Variants in CSMD3 observed in about 807,000 individuals in gnomAD.
The protein encoded by CSMD3 is CUB and Sushi multiple domains 3.
A neutral mutation model predicts 435.2 loss-of-function variants in CSMD3; 177 were observed. The observed-to-expected ratio is 0.41, with a 90% CI of 0.36 to 0.46. The LOEUF (loss-of-function observed/expected upper bound fraction) is 0.46. Ranked by LOEUF, CSMD3 falls within the 20% of genes least tolerant of loss-of-function variation. The pLI, the probability that CSMD3 is intolerant of heterozygous loss-of-function variation, is 0.34. For synonymous variants in CSMD3, 1,656 were observed against 1,520.5 expected (o/e 1.09, Z -2.07); for missense variants, 4,265 against 4,504.6 (o/e 0.95, Z 1.52).
In CSMD3 at chr8:112,223,077, A is replaced by G. The variant is rs1812293946; in HGVS notation, c.*1694T>C. On this transcript the variant is annotated 3_prime_UTR_variant, in exon 71 of 71. Transcript: ENST00000297405. ...AGGAGTAGCCAGTTGCAGAAGAAAC[A>G]TTGTTTAAACAAGATCTTAAATGTA... 3 of 398,482 alleles carry G rather than the reference A, an allele frequency of 7.5e-6. No individual in the cohort carries two copies. The highest frequency in any genetic ancestry group is 1.3e-5 in the Non-Finnish European group (3 of 225,792). The allele number at this position is 398,482 out of a possible 1,614,324, so 24.7% of individuals were successfully genotyped here. A position where few individuals can be genotyped will look rare whatever the true frequency, so the allele number is the denominator to read the frequency against.
At chr8:112,311,724 A>C (rs1179144458) in intron 49 of CSMD3, among the ~76,000 whole-genome samples, 1 of 152,214 alleles carries the variant, frequency 6.6e-6, no homozygotes, top group Admixed American at 6.5e-5. Flanking sequence ...ATTGCCAATA[A>C]AATAAAAAAG....
chr8:112,857,536 T>C lies in CSMD3; in HGVS notation c.1755+1609A>G, dbSNP rs2080695960. 5.9e-5 allele frequency among the ~76,000 whole-genome samples: 9 copies of C among 151,802 alleles called. No homozygotes were observed. The South Asian group carries it at 1.9e-3, about 31-fold the overall frequency. On this transcript the variant is annotated intron_variant, in intron 11 of 70. Transcript: ENST00000297405. ...AGATTAATTAAATGTGTTTATTCCA[T>C]ACTTTATAATGAATTTGCTTCATGT... is the stretch of plus-strand genomic sequence containing the variant.
At chr8:113,127,201 G>C (rs1478784129) in intron 4 of CSMD3, among the ~76,000 whole-genome samples, 2 of 151,970 alleles carry the variant, frequency 1.3e-5, no homozygotes, top group Admixed American at 1.3e-4. Context: ...TTGTTGAAAG[G>C]AGATTGCGAA....
At chr8:112,651,559 A>G (rs1161326242) in intron 18 of CSMD3, among the ~76,000 whole-genome samples, 2 of 135,302 alleles carry the variant, frequency 1.5e-5, no homozygotes, top group African/African-American at 5.9e-5. Flanking sequence ...TTTTTTTTTG[A>G]CGGAGTCTCG....
At chr8:113,428,204 A>ATCTC in intron 1 of CSMD3, among the ~76,000 whole-genome samples, 1 of 146,234 alleles carries the variant, frequency 6.8e-6, no homozygotes, top group Middle Eastern at 3.7e-3. Flanking sequence ...CAACTGTGGG[A>ATCTC]TATCTATCTA....
At chr8:113,341,967 TG>T (rs1286643028) in intron 1 of CSMD3, among the ~76,000 whole-genome samples, 5 of 152,110 alleles carry the variant, frequency 3.3e-5, no homozygotes, top group Admixed American at 3.3e-4. Flanking sequence ...CTCTTTGTAT[TG>T]ATTTGTCCAT....
At position 113,016,287 on chromosome 8, in the gene CSMD3, T is replaced by G. The variant is rs112152190; in HGVS notation, c.1030+2780A>C. Among the ~76,000 whole-genome samples, 538 of 151,982 alleles carry G rather than the reference T, an allele frequency of 3.5e-3. 3 individuals carry two copies. The highest frequency in any genetic ancestry group is 0.012 in the African/African-American group (502 of 41,560). On this transcript the variant is annotated intron_variant, in intron 6 of 70. Coordinates refer to ENST00000297405, the MANE Select transcript of CSMD3 (RefSeq NM_198123.2). Reference sequence around the variant, plus strand: ...TTTGAATTGATATAGAACTATGCTTTTTAGCATGCTATTCTCAGTCTCTAC... The same window carrying G: ...TTTGAATTGATATAGAACTATGCTTGTTAGCATGCTATTCTCAGTCTCTAC...
intron 7 of CSMD3, among the ~76,000 whole-genome samples, chr8:112,958,301 T>C (rs542286024): frequency 6.6e-6 from 1 of 152,194 alleles, no homozygotes; most frequent in Non-Finnish European, 1.5e-5. Context: ...CTAAACAATT[T>C]TTAATCATTT....
chr8:112,391,619 G>A (rs1263661334), intron 35 of CSMD3, among the ~76,000 whole-genome samples: 1 of 151,782 alleles, frequency 6.6e-6, no homozygotes, highest in African/African-American at 2.4e-5. Flanking sequence ...TTGAACCCAG[G>A]AGGCAGAGGT....
At chr8:112,270,161 AG>A (rs1378041625) in intron 59 of CSMD3, among the ~76,000 whole-genome samples, 1 of 152,200 alleles carries the variant, frequency 6.6e-6, no homozygotes, top group Non-Finnish European at 1.5e-5. Context: ...GATGAGTAAA[AG>A]TTTATGCTTT....
chr8:113,428,287 T>A (rs1337232959), intron 1 of CSMD3, among the ~76,000 whole-genome samples: 1 of 151,596 alleles, frequency 6.6e-6, no homozygotes, highest in Non-Finnish European at 1.5e-5. Context: ...ACTATTGATC[T>A]TAAGCTTTCT....
At chr8:112,492,304 C>T (rs976704720) in intron 31 of CSMD3, among the ~76,000 whole-genome samples, 185 bp downstream of exon 31, 4 of 152,152 alleles carry the variant, frequency 2.6e-5, no homozygotes, top group Non-Finnish European at 4.4e-5. Flanking sequence ...GGAATATAAG[C>T]ACTTTTCCAA....
chr8:112,891,096 T>A (rs1050195321), intron 10 of CSMD3, among the ~76,000 whole-genome samples: 12 of 151,626 alleles, frequency 7.9e-5, no homozygotes, highest in African/African-American at 2.9e-4. Flanking sequence ...ATCAAGAGAA[T>A]TTGTTCCAAA....
At chr8:112,387,463 T>TTGTGTGTGTG (rs1473042858) in intron 36 of CSMD3, among the ~76,000 whole-genome samples, 3 of 87,126 alleles carry the variant, frequency 3.4e-5, no homozygotes, top group Admixed American at 2.3e-4. Flanking sequence ...AAGTCATATA[T>TTGTGTGTGTG]TATGTGTGTG....
At chr8:113,307,709 T>A (rs975698909) in intron 2 of CSMD3, among the ~76,000 whole-genome samples, 1 of 152,074 alleles carries the variant, frequency 6.6e-6, no homozygotes, top group East Asian at 1.9e-4. Flanking sequence ...ATTAAAAAAA[T>A]AGACAAAATA....
chr8:113,214,785 A>ATAAAT (rs2092881892), intron 3 of CSMD3, among the ~76,000 whole-genome samples: 1 of 151,852 alleles, frequency 6.6e-6, no homozygotes, highest in Non-Finnish European at 1.5e-5. Context: ...TGTCAAATAC[A>ATAAAT]GAGAACAATA....
chr8:112,382,977 C>T (rs988436516), intron 37 of CSMD3, among the ~76,000 whole-genome samples: 7 of 151,922 alleles, frequency 4.6e-5, no homozygotes, highest in Admixed American at 1.3e-4. Context: ...GGAGACAGAG[C>T]GAGACTACAT....
chr8:112,783,781 C>G, intron 13 of CSMD3, among the ~76,000 whole-genome samples: 1 of 150,446 alleles, frequency 6.6e-6, no homozygotes, highest in African/African-American at 2.4e-5. Context: ...AAGAAAAAAG[C>G]AGGAGTGGCT....
chr8:113,092,044 A>G (rs989856685), intron 5 of CSMD3, among the ~76,000 whole-genome samples: 2 of 152,026 alleles, frequency 1.3e-5, no homozygotes, highest in African/African-American at 4.8e-5. Context: ...GTGATATTCA[A>G]TCACCCATTC....
Sources: allele counts gnomAD v4.1 joint callset (sites outside exome capture counted in the v4.1 genomes callset), GRCh38; gene constraint gnomAD v4.1.1; transcripts MANE v1.5; gene names NCBI Gene and HGNC (gene_info 2026-07-23, HGNC 2026-07-21).